UBR1: variants seen among roughly 807,000 people sequenced by gnomAD.
UBR1 encodes ubiquitin protein ligase E3 component n-recognin 1.
Under a neutral mutation model 242.1 loss-of-function variants are expected in UBR1, and 102 were observed. The ratio of observed to expected loss-of-function variants is 0.42; its 90% CI spans 0.36 to 0.50. UBR1 has a LOEUF of 0.50. UBR1 is among the 20% of genes least tolerant of loss of function. The pLI is 0.01. For missense variants in UBR1, 1,772 were observed against 2,101.8 expected (o/e 0.84, Z 3.07); for synonymous variants, 675 against 684.8 (o/e 0.99, Z 0.22).
chr15:43,062,734 C>T (rs550677529), intron 6 of UBR1, among the ~76,000 whole-genome samples: 1 of 152,188 alleles, frequency 6.6e-6, no homozygotes, highest in East Asian at 1.9e-4. Context: ...GCTGGGACTA[C>T]AGGAATCCAA....
intron 1 of UBR1, among the ~76,000 whole-genome samples, chr15:43,100,168 C>G (rs771288862): frequency 6.6e-6 from 1 of 152,028 alleles, no homozygotes; most frequent in Non-Finnish European, 1.5e-5. Context: ...AGCCACTGCA[C>G]CAGGCCAAGA....
intron 5 of UBR1, among the ~76,000 whole-genome samples, chr15:43,068,451 T>G (rs2033783113): frequency 6.6e-6 from 1 of 152,148 alleles, no homozygotes; most frequent in South Asian, 2.1e-4. Flanking sequence ...CCTCCCAAAG[T>G]GCCAGGATTA....
intron 1 of UBR1, among the ~76,000 whole-genome samples, chr15:43,087,127 C>G (rs531251691): frequency 2.6e-5 from 4 of 152,094 alleles, no homozygotes; most frequent in African/African-American, 9.7e-5. Flanking sequence ...AGAATCGGGC[C>G]GGGCGCGGTG....
rs2033303607 is a variant in UBR1, at chr15:43,034,461, A to T, written c.2190+1717T>A. On this transcript the variant is annotated intron_variant, in intron 19 of 46. Coordinates refer to ENST00000290650, the MANE Select transcript of UBR1 (RefSeq NM_174916.3). ...TCTCAAAAACAATTAATAAATAAAT[A>T]AAATAAAATTTGTATATTACCTCTG... 3.3e-5 allele frequency among the ~76,000 whole-genome samples: 5 copies of T among 152,048 alleles called. No individual in the cohort carries two copies. In the South Asian group the frequency reaches 1.0e-3, roughly 32 times the overall value.
At chr15:42,970,074 C>A (rs538359711) in intron 40 of UBR1, among the ~76,000 whole-genome samples, 1 of 152,142 alleles carries the variant, frequency 6.6e-6, no homozygotes, top group Non-Finnish European at 1.5e-5. Context: ...GGAGGTATCA[C>A]GCTACCTGAC....
At chr15:42,947,051 T>G (rs1385614387) in intron 46 of UBR1, among the ~76,000 whole-genome samples, 2 of 152,076 alleles carry the variant, frequency 1.3e-5, no homozygotes, top group Admixed American at 6.6e-5. Context: ...CTTGGGAGGC[T>G]GAGGCAGGAG....
intron 11 of UBR1, among the ~76,000 whole-genome samples, chr15:43,055,270 C>T (rs2033602816): frequency 2.6e-5 from 4 of 152,108 alleles, no homozygotes; most frequent in Admixed American, 2.6e-4. Context: ...CATGGCAAAA[C>T]CCCATCTCCA....
chr15:43,034,901 AAAAAGAAAG>A (rs1252364717), intron 19 of UBR1, among the ~76,000 whole-genome samples: 1 of 131,576 alleles, frequency 7.6e-6, no homozygotes, highest in Non-Finnish European at 1.6e-5. Flanking sequence ...AAAAAAAAAA[AAAAAGAAAG>A]AAAAGAAAGA....
At chr15:43,105,298 G>C (rs2034283424) in intron 1 of UBR1, among the ~76,000 whole-genome samples, 1 of 152,056 alleles carries the variant, frequency 6.6e-6, no homozygotes, top group Non-Finnish European at 1.5e-5. Flanking sequence ...TTCACTATCT[G>C]TGCCTTCCCA....
intron 40 of UBR1, among the ~76,000 whole-genome samples, chr15:42,969,296 T>C (rs1483673363): frequency 6.6e-6 from 1 of 152,236 alleles, no homozygotes; most frequent in Non-Finnish European, 1.5e-5. Flanking sequence ...ACATGTTTGT[T>C]GGCCGCATAA....
At position 43,031,394 on chromosome 15, in the gene UBR1, C is replaced by T. The variant is rs142290745; in HGVS notation, c.2254+1174G>A. 1.2e-3 allele frequency among the ~76,000 whole-genome samples: 181 copies of T among 152,192 alleles called. 1 individual carries two copies. Among genetic ancestry groups the T allele is most frequent in the African/African-American group, 4.3e-3 (179 of 41,532 alleles). ...TTACATAGCACTCTAAGGACAAATG[C>T]AAAAATTTCCCTTGAGTTTTCCTAA... On this transcript the variant is annotated intron_variant, in intron 20 of 46. Coordinates refer to ENST00000290650, the MANE Select transcript of UBR1 (RefSeq NM_174916.3).
intron 42 of UBR1, 44 bp downstream of exon 42, chr15:42,963,891 A>G (rs773429503): frequency 2.7e-6 from 4 of 1,470,964 alleles, no homozygotes; most frequent in Non-Finnish European, 3.8e-6. Flanking sequence ...TTAAAATTTC[A>G]AATTGTATAA....
chr15:42,945,883 A>G (rs78824768), intron 46 of UBR1, among the ~76,000 whole-genome samples: 210 of 152,302 alleles, frequency 1.4e-3, no homozygotes, highest in African/African-American at 5.0e-3. Flanking sequence ...CCCTAAAATT[A>G]TATTTTGCTA....
chr15:42,983,554 A>C (rs1441311588), intron 37 of UBR1, among the ~76,000 whole-genome samples: 1 of 151,422 alleles, frequency 6.6e-6, no homozygotes, highest in Non-Finnish European at 1.5e-5. Flanking sequence ...AATTCCAGCT[A>C]CTCAGAGGGC....
chr15:43,005,903 A>C lies in UBR1; in HGVS notation c.3415+1176T>G, dbSNP rs533547562. ...GCTTGAAGGCAGCATGCTCGTTAAGAGTCATCACCACTCCCTAATCTCAAG... is the reference window on the plus strand; with the variant it reads ...GCTTGAAGGCAGCATGCTCGTTAAGCGTCATCACCACTCCCTAATCTCAAG... On this transcript the variant is annotated intron_variant, in intron 30 of 46. Transcript: ENST00000290650. Among the ~76,000 whole-genome samples the C allele has an allele frequency of 5.3e-5, 8 of 149,694 alleles. No individual in the cohort carries two copies. In the East Asian group the frequency reaches 1.2e-3, roughly 22 times the overall value.
chr15:42,992,949 C>A (rs1359789460), intron 33 of UBR1, among the ~76,000 whole-genome samples: 2 of 152,236 alleles, frequency 1.3e-5, no homozygotes, highest in African/African-American at 4.8e-5. Flanking sequence ...ACCACAGAGA[C>A]TGGTTTTCTC....
intron 39 of UBR1, 28 bp downstream of exon 39, chr15:42,976,689 A>T (rs745829349): frequency 2.1e-5 from 33 of 1,604,070 alleles, no homozygotes; most frequent in Non-Finnish European, 2.6e-5. Flanking sequence ...AATGTTATTC[A>T]CAGTCAACAC....
At chr15:43,027,931 AT>A in intron 21 of UBR1, 103 bp from the exon 22 acceptor site, 1 of 987,772 alleles carries the variant, frequency 1.0e-6, no homozygotes, top group South Asian at 1.4e-5. Context: ...TACTTTGTAA[AT>A]AATTTTAAAA....
intron 11 of UBR1, among the ~76,000 whole-genome samples, chr15:43,055,424 CAGAG>C (rs1008352657): frequency 6.6e-6 from 1 of 151,666 alleles, no homozygotes; most frequent in Non-Finnish European, 1.5e-5. Context: ...GCCTGAGTGA[CAGAG>C]AGAGACTTCA....
Sources: allele counts gnomAD v4.1 joint callset (sites outside exome capture counted in the v4.1 genomes callset), GRCh38; gene constraint gnomAD v4.1.1; transcripts MANE v1.5; gene names NCBI Gene and HGNC (gene_info 2026-07-23, HGNC 2026-07-21).